The following PLXNB3 variants were observed in gnomAD, a reference collection of about 807,000 sequenced individuals.
The protein encoded by PLXNB3 is plexin B3, also known as plexin-B3.
Under a neutral mutation model 125.7 loss-of-function variants are expected in PLXNB3, and 80 were observed. The ratio of observed to expected loss-of-function variants is 0.64; its 90% CI spans 0.53 to 0.77. The LOEUF (loss-of-function observed/expected upper bound fraction) is 0.77, where lower values mean the gene tolerates loss of function less well. Among genes scored for constraint, PLXNB3 ranks in the 30% least tolerant of loss-of-function variants. The pLI, the probability that PLXNB3 is intolerant of heterozygous loss-of-function variation, is 0.00. For synonymous variants in PLXNB3, 954 were observed against 783.3 expected (o/e 1.22, Z -3.64); for missense variants, 1,836 against 1,729.3 (o/e 1.06, Z -1.09).
Position 153,771,936 on chromosome X carries a change from T to C in PLXNB3, c.2590T>C (p.Phe864Leu). Residue 864 changes from phenylalanine to leucine, a missense_variant, in exon 15 of 36, where the codon TTC becomes CTC. Phe to Leu is a conservative substitution (Grantham distance 22). Transcript: ENST00000361971. The stretch of plus-strand genomic sequence containing the variant: ...CCTGGGCTCCAACCTGGGCCGGGCC[T>C]TCGCCGATGTGCAGTACGCCGTGAG... ...TILGSNLGRA[F>L]ADVQYAVSVA... 2 of 1,209,534 alleles carry C rather than the reference T, an allele frequency of 1.7e-6. No individual in the cohort carries two copies. The highest frequency in any genetic ancestry group is 1.1e-6 in the Non-Finnish European group (1 of 895,189).
At position 153,775,080 on chromosome X, in the gene PLXNB3, A is replaced by C; in HGVS notation, c.4132A>C (p.Asn1378His). Residue 1378 changes from asparagine (N) to histidine (H), a missense_variant, in exon 24 of 36, where the codon AAC becomes CAC. Coordinates refer to ENST00000361971, the MANE Select transcript of PLXNB3 (RefSeq NM_005393.3). ...CCTCACGCAGCTCTCCAACCTGCTCAACAGCAAGCTCTTCCTCCTCACGGT... is the reference window on the plus strand; with the variant it reads ...CCTCACGCAGCTCTCCAACCTGCTCCACAGCAAGCTCTTCCTCCTCACGGT... Reference protein sequence around the residue: ...QGLTQLSNLLNSKLFLLTLIH... With the variant: ...QGLTQLSNLLHSKLFLLTLIH... The C allele has an allele frequency of 8.3e-7, 1 of 1,205,503 alleles. No individual in the cohort carries two copies. Among genetic ancestry groups the C allele is most frequent in the Non-Finnish European group, 1.1e-6 (1 of 892,394 alleles).
rs141165767 is a variant in PLXNB3 at position 153,768,351 on chromosome X, G to A, written c.1189G>A (p.Val397Ile). The A allele has an allele frequency of 2.0e-4, 241 of 1,209,903 alleles. 1 individual carries two copies. Among genetic ancestry groups the A allele is most frequent in the African/African-American group, 1.8e-3 (104 of 57,735 alleles). ...VQPLLKLGQP[V>I]SAVAALQADG... is the part of the protein sequence containing the mutation. ...GCCTCTGCTGAAGCTCGGGCAGCCG[G>A]TCAGCGCCGTGGCAGCTCTCCAGGC... The change falls in exon 4 of 36, where the codon GTC becomes ATC. Residue 397 changes from valine to isoleucine, a missense_variant. By Grantham distance (29) the Val-to-Ile change is conservative. Coordinates refer to ENST00000361971, the MANE Select transcript of PLXNB3 (RefSeq NM_005393.3).
Position 153,767,127 on chromosome X carries a change from C to G in PLXNB3, c.300C>G (p.Pro100=), listed in dbSNP as rs1349131064. The change falls in exon 3 of 36, where the codon CCC becomes CCG. Residue 100 remains proline (P), a synonymous_variant. Coordinates refer to ENST00000361971, the MANE Select transcript of PLXNB3 (RefSeq NM_005393.3). ...GPVIDSPDCV[P]FRDPAECPQA... is the part of the protein sequence containing the mutation. ...TAATCGACAGCCCTGACTGCGTGCC[C>G]TTCCGTGACCCAGCCGAGTGCCCAC... The G allele has an allele frequency of 8.3e-7, 1 of 1,208,918 alleles. No homozygotes were observed. The highest frequency in any genetic ancestry group is 1.7e-5 in the African/African-American group (1 of 57,574).
intron 6 of PLXNB3, 129 bp from the exon 7 acceptor site, chrX:153,769,678 T>G: frequency 1.4e-6 from 1 of 690,816 alleles, no homozygotes; most frequent in South Asian, 2.9e-5. Context: ...CTGGACACAG[T>G]CCCCTTCACG....
chrX:153,775,290 G>A lies in PLXNB3; in HGVS notation c.4221G>A (p.Leu1407=). 1 of 1,207,796 alleles carries A rather than the reference G, an allele frequency of 8.3e-7. No homozygotes were observed. Among genetic ancestry groups the A allele is most frequent in the Non-Finnish European group, 1.1e-6 (1 of 893,696 alleles). ...SQRDRCHVAS[L]LSLALHGKLE... is the part of the protein sequence containing the mutation. Reference sequence around the variant, plus strand: ...GGGATCGCTGCCATGTGGCTTCGCTGCTGTCGCTAGCGCTACACGGCAAGC... The same window carrying A: ...GGGATCGCTGCCATGTGGCTTCGCTACTGTCGCTAGCGCTACACGGCAAGC... Residue 1407 remains leucine (L), a synonymous_variant, in exon 25 of 36, where the codon CTG becomes CTA. Coordinates refer to ENST00000361971, the MANE Select transcript of PLXNB3 (RefSeq NM_005393.3).
Position 153,769,945 on chromosome X carries a change from C to T in PLXNB3, c.1629+6C>T. The T allele has an allele frequency of 8.3e-7, 1 of 1,202,937 alleles. No individual in the cohort carries two copies. Among genetic ancestry groups the T allele is most frequent in the South Asian group, 1.8e-5 (1 of 55,388 alleles). On this transcript the variant is annotated splice_donor_region_variant and intron_variant, in intron 7 of 35. Coordinates refer to ENST00000361971, the MANE Select transcript of PLXNB3 (RefSeq NM_005393.3). ...CCCGCCAGGAGCAGGGCCAGGTAAG[C>T]CGCCCACCACCACTGGGCCCTCTGG...
At position 153,775,029 on chromosome X, in the gene PLXNB3, G is replaced by GGACACTGT; in HGVS notation, c.4082_4083insACACTGTG (p.Arg1367ProfsTer47). On this transcript the variant is annotated frameshift_variant, in exon 24 of 36. Transcript: ENST00000361971. LOFTEE classifies it high-confidence loss of function. ...CAAGCCTGAGGGGCCAGGGGAGGAC[G>GGACACTGT]GCCACTGTGCCACTGTGCGCCAGGG... 8.3e-7 allele frequency: 1 copy of GGACACTGT among 1,209,162 alleles called. No homozygotes were observed. The highest frequency in any genetic ancestry group is 1.1e-6 in the Non-Finnish European group (1 of 894,245).
intron 2 of PLXNB3, 116 bp from the exon 3 acceptor site, chrX:153,766,757 G>GCCTC: frequency 9.3e-7 from 1 of 1,072,363 alleles, no homozygotes; most frequent in South Asian, 2.4e-5. Flanking sequence ...CCATCTCTCT[G>GCCTC]CCTCCCTCCC....
rs782595560 is a variant in PLXNB3, at chrX:153,770,100, G to C, written c.1638G>C (p.Leu546Phe). Residue 546 changes from leucine (L) to phenylalanine (F), a missense_variant, in exon 8 of 36, where the codon TTG (leucine) becomes TTC (phenylalanine). Coordinates refer to ENST00000361971, the MANE Select transcript of PLXNB3 (RefSeq NM_005393.3). ...HPRQEQGQVT[L>F]SVPRLPILDA... ...TCCCCGCTGCATCCCAGGTCACTTT[G>C]TCTGTCCCCCGGCTGCCCATCCTGG... 5.8e-6 allele frequency: 7 copies of C among 1,209,681 alleles called. No homozygotes were observed. The highest frequency in any genetic ancestry group is 2.3e-4 in the Middle Eastern group (1 of 4,371).
chrX:153,775,177 T>TG (rs782008672), intron 24 of PLXNB3, 48 bp from the exon 25 acceptor site: 1 of 1,149,888 alleles, frequency 8.7e-7, no homozygotes, highest in African/African-American at 1.8e-5. Flanking sequence ...GAGACAAAGG[T>TG]GGGGGAGGAG....
At position 153,777,491 on chromosome X, in the gene PLXNB3, C is replaced by G. The variant is rs782228506; in HGVS notation, c.5101-37C>G. 5.8e-6 allele frequency: 7 copies of G among 1,200,036 alleles called. No homozygotes were observed. The South Asian group carries it at 8.9e-5, about 15-fold the overall frequency. On this transcript the variant is annotated intron_variant, in intron 30 of 35. Transcript: ENST00000361971. ...CCTCAGCCGTGGATGGCCCCCACAC[C>G]CTGCCCTCCACACAGCCCTTATCCC... is the stretch of plus-strand genomic sequence containing the variant.
chrX:153,769,555 T>C (rs1351897770), intron 6 of PLXNB3, among the ~76,000 whole-genome samples: 1 of 112,865 alleles, frequency 8.9e-6, no homozygotes, highest in Non-Finnish European at 1.9e-5. Flanking sequence ...GCCCCTGGAA[T>C]CCTTTAAGGC....
intron 2 of PLXNB3, chrX:153,766,142 C>T: frequency 9.0e-7 from 1 of 1,106,014 alleles, no homozygotes; most frequent in Admixed American, 3.2e-5. Flanking sequence ...TCTCTTGACA[C>T]CCCTGGCTTC....
chrX:153,766,714 G>A (rs1211081495), intron 2 of PLXNB3, 159 bp from the exon 3 acceptor site: 5 of 724,730 alleles, frequency 6.9e-6, no homozygotes, highest in African/African-American at 2.5e-5. Context: ...TGCCCCCTCT[G>A]TCTCCTTGTC....
chrX:153,778,732 TC>T, intron 35 of PLXNB3, 58 bp downstream of exon 35: 1 of 1,137,550 alleles, frequency 8.8e-7, no homozygotes, highest in South Asian at 2.0e-5. Context: ...CCGTGGACCC[TC>T]CCGGGGGAGC....
rs1338462583 is a variant in PLXNB3, at chrX:153,770,436, G to A, written c.1885G>A (p.Ala629Thr). Residue 629 changes from alanine to threonine, a missense_variant, in exon 9 of 36, where the codon GCG becomes ACG. Coordinates refer to ENST00000361971, the MANE Select transcript of PLXNB3 (RefSeq NM_005393.3). The part of the protein sequence containing the change: ...YDCSAVQALE[A>T]AAPCRACVGS... ...CTGCAGTGCCGTCCAGGCCTTGGAG[G>A]CGGCTGCCCCGTGAGTCCCTGGGCC... 3.3e-6 allele frequency: 4 copies of A among 1,207,724 alleles called. No homozygotes were observed. The African/African-American group carries it at 6.9e-5, about 21-fold the overall frequency.
intron 6 of PLXNB3, among the ~76,000 whole-genome samples, 164 bp from the exon 7 acceptor site, chrX:153,769,643 C>T (rs2091901773): frequency 8.8e-6 from 1 of 113,173 alleles, no homozygotes; most frequent in Non-Finnish European, 1.9e-5. Context: ...GGCCATGAGG[C>T]CCTGCCTGCT....
rs150297205 is a variant in PLXNB3 at position 153,772,335 on chromosome X, G to A, written c.2775+48G>A. The A allele has an allele frequency of 1.4e-3, 1,348 of 937,376 alleles. 12 individuals are homozygous for A. In the Admixed American group the frequency reaches 0.023, roughly 16 times the overall value. 77.3% of individuals were successfully genotyped at this position (937,376 alleles called of 1,213,427 possible). A position where few individuals can be genotyped will look rare whatever the true frequency, so the allele number is the denominator to read the frequency against. The stretch of plus-strand genomic sequence containing the variant: ...CCTACGCAGGGGAGGGTAGGAGGGA[G>A]GGCCAGGAAGGACAGGCGCCTAGTA... On this transcript the variant is annotated intron_variant, in intron 16 of 35. Coordinates refer to ENST00000361971, the MANE Select transcript of PLXNB3 (RefSeq NM_005393.3).
In PLXNB3 at chrX:153,771,619, T is replaced by C; in HGVS notation, c.2481T>C (p.Ala827=). 1 of 1,202,331 alleles carries C rather than the reference T, an allele frequency of 8.3e-7. No individual in the cohort carries two copies. The highest frequency in any genetic ancestry group is 2.9e-4 in the Middle Eastern group (1 of 3,409). The stretch of plus-strand genomic sequence containing the variant: ...ATGGGCCCTTGTGCCCGCCGGGGGC[T>C]GTGGAGCTGCTGTGTCCTGCGCCCA... ...CRYGPLCPPG[A]VELLCPAPSI... The change falls in exon 14 of 36, where the codon GCT becomes GCC. Residue 827 remains alanine, a synonymous_variant. Transcript: ENST00000361971.
Sources: gnomAD v4.1 joint callset for allele counts (sites outside exome capture counted in the v4.1 genomes callset) on GRCh38, gnomAD v4.1.1 for gene constraint, MANE v1.5 for transcripts, NCBI Gene and HGNC (gene_info 2026-07-23, HGNC 2026-07-21) for gene names.